The following RSPH14 variants were observed in gnomAD, a reference collection of about 807,000 sequenced individuals.
RSPH14 encodes the protein radial spoke head 14 homolog.
Under a neutral mutation model 26.7 loss-of-function variants are expected in RSPH14, and 20 were observed. The ratio of observed to expected loss-of-function variants is 0.75; its 90% CI spans 0.53 to 1.09. The LOEUF (loss-of-function observed/expected upper bound fraction) is 1.09, where lower values mean the gene tolerates loss of function less well. Ranked by LOEUF, RSPH14 falls within the 50% of genes least tolerant of loss-of-function variation. The pLI, the probability that RSPH14 is intolerant of heterozygous loss-of-function variation, is 0.00. For missense variants in RSPH14, 449 were observed against 457.2 expected (o/e 0.98, Z 0.16); for synonymous variants, 177 against 189.3 (o/e 0.93, Z 0.53).
At chr22:23,147,934 G>A (rs1569204046), upstream of RSPH14, among the ~76,000 whole-genome samples, 1 of 152,178 alleles carries the variant, frequency 6.6e-6, no homozygotes, top group African/African-American at 2.4e-5. Context: ...AAAACAAGGA[G>A]AGGGAGAAAT....
chr22:23,096,095 G>T, intron 4 of RSPH14: 1 of 1,610,116 alleles, frequency 6.2e-7, no homozygotes. Context: ...GCTCTGGGCC[G>T]ACCCAGGGGC....
At chr22:23,145,637 A>AGCGTCCGCGCCCACT, upstream of RSPH14, 10 of 1,403,310 alleles carry the variant, frequency 7.1e-6, no homozygotes, top group Non-Finnish European at 9.6e-6. Flanking sequence ...GCGAGGGCAC[A>AGCGTCCGCGCCCACT]GCGTCCGCGC....
chr22:23,138,177 A>G (rs962436782), intron 3 of RSPH14, among the ~76,000 whole-genome samples: 2 of 152,148 alleles, frequency 1.3e-5, no homozygotes, highest in Admixed American at 1.3e-4. Context: ...CCCTGTGGGG[A>G]TCTGGGTTGG....
chr22:23,167,914 G>A, the RSPH14 span, among the ~76,000 whole-genome samples: 7 of 152,060 alleles, frequency 4.6e-5, no homozygotes, highest in African/African-American at 1.2e-4. Flanking sequence ...GTGCAATGGC[G>A]TGATCATAGC....
the RSPH14 span, chr22:23,163,280 C>A: frequency 0.51 from 78,241 of 153,528 alleles, 20,066 homozygotes; most frequent in East Asian, 0.65. Flanking sequence ...CCCAGGCTGG[C>A]GTGCAATGGC....
Position 23,063,990 on chromosome 22 carries a change from T to G in RSPH14, c.565A>C (p.Ser189Arg). ...TGCTTCAGGACAAGCACCACATTGCTGCCCAGGGCCTCGGTGGCATCCTCC... is the reference window on the plus strand; with the variant it reads ...TGCTTCAGGACAAGCACCACATTGCGGCCCAGGGCCTCGGTGGCATCCTCC... ...LQEDATEALGSNVVLVLKQKL... is the reference protein window; with the variant it reads ...LQEDATEALGRNVVLVLKQKL... The change falls in exon 5 of 7, where the codon AGC becomes CGC. Residue 189 changes from serine (S) to arginine (R), a missense_variant. Physicochemically the swap from Ser to Arg is moderately radical, Grantham distance 110 (BLOSUM62 -1). Transcript: ENST00000216036. 1 of 1,614,174 alleles carries G rather than the reference T, an allele frequency of 6.2e-7. No individual in the cohort carries two copies. Among genetic ancestry groups the G allele is most frequent in the Non-Finnish European group, 8.5e-7 (1 of 1,179,998 alleles).
chr22:23,179,346 C>G, the RSPH14 span, among the ~76,000 whole-genome samples: 1 of 152,148 alleles, frequency 6.6e-6, no homozygotes, highest in Non-Finnish European at 1.5e-5. Context: ...CCCAACCCAG[C>G]GGGCTGGTTT....
chr22:23,163,606 G>GCCCCCCCCCCC, the RSPH14 span: 25 of 125,208 alleles, frequency 2.0e-4, no homozygotes, highest in Non-Finnish European at 3.9e-4. Context: ...CAAGGTGAAA[G>GCCCCCCCCCCC]CCCCCCCCCC....
At chr22:23,167,876 G>A in the RSPH14 span, among the ~76,000 whole-genome samples, 3 of 151,654 alleles carry the variant, frequency 2.0e-5, no homozygotes, top group Admixed American at 6.6e-5. Context: ...TTTTTGAGAT[G>A]GGGTCTCGCA....
upstream of RSPH14, chr22:23,145,161 C>T: frequency 5.0e-6 from 3 of 596,748 alleles, no homozygotes; most frequent in East Asian, 2.8e-5. Context: ...CTCTCCCAGC[C>T]GAGCTGATCA....
At chr22:23,065,001 G>A (rs1019136206) in intron 4 of RSPH14, among the ~76,000 whole-genome samples, 1 of 152,100 alleles carries the variant, frequency 6.6e-6, no homozygotes, top group Admixed American at 6.5e-5. Flanking sequence ...CTTCCCTACG[G>A]CACGCAGCTG....
At chr22:23,158,847 T>G in the RSPH14 span, 65 of 1,502,090 alleles carry the variant, frequency 4.3e-5, no homozygotes, top group Non-Finnish European at 5.5e-5. Context: ...CTGCCCCCTG[T>G]TTGGGGTGGG....
In RSPH14 at chr22:23,140,491, C is replaced by G; in HGVS notation, c.-52-19G>C. 1.3e-6 allele frequency: 2 copies of G among 1,553,954 alleles called. No individual in the cohort carries two copies. The highest frequency in any genetic ancestry group is 2.3e-5 in the East Asian group (1 of 43,008). On this transcript the variant is annotated intron_variant, in intron 1 of 6. Coordinates refer to ENST00000216036, the MANE Select transcript of RSPH14 (RefSeq NM_014433.3). The stretch of plus-strand genomic sequence containing the variant: ...CCACTCACTAAAAGAGACCAAAAAG[C>G]TGTCATTATTTCTATTATGATTTAA...
At chr22:23,070,909 G>A (rs1163111705) in intron 4 of RSPH14, among the ~76,000 whole-genome samples, 1 of 152,106 alleles carries the variant, frequency 6.6e-6, no homozygotes, top group East Asian at 1.9e-4. Flanking sequence ...CCCAAGCAGC[G>A]GCTGATGCGG....
chr22:23,062,894 G>T (rs912132235), intron 5 of RSPH14, among the ~76,000 whole-genome samples: 1 of 152,228 alleles, frequency 6.6e-6, no homozygotes, highest in Admixed American at 6.5e-5. Flanking sequence ...GTTCTTTAGG[G>T]CCAGATAATT....
chr22:23,153,736 A>T, the RSPH14 span: 47 of 743,648 alleles, frequency 6.3e-5, no homozygotes, highest in Non-Finnish European at 7.4e-5. Flanking sequence ...TTGCTCTGTC[A>T]CCCAGGCTGG....
the RSPH14 span, chr22:23,164,263 A>G: frequency 6.6e-6 from 1 of 152,376 alleles, no homozygotes; most frequent in Admixed American, 6.5e-5. Flanking sequence ...TCCAGCTGTT[A>G]CCAGCTTCTG....
At chr22:23,144,174 CA>C (rs2070665473), upstream of RSPH14, among the ~76,000 whole-genome samples, 1 of 149,986 alleles carries the variant, frequency 6.7e-6, no homozygotes, top group Non-Finnish European at 1.5e-5. Context: ...TCCCCAAATC[CA>C]AATTAGTAAG....
chr22:23,115,580 G>C (rs941388820), intron 4 of RSPH14, among the ~76,000 whole-genome samples: 1 of 152,134 alleles, frequency 6.6e-6, no homozygotes, highest in African/African-American at 2.4e-5. Context: ...CCTAGAACAG[G>C]AAGGTGGGGT....
Sources: gnomAD v4.1 joint callset for allele counts (sites outside exome capture counted in the v4.1 genomes callset) on GRCh38, gnomAD v4.1.1 for gene constraint, MANE v1.5 for transcripts, NCBI Gene and HGNC (gene_info 2026-07-23, HGNC 2026-07-21) for gene names.